C1orf94: variants seen among roughly 807,000 people sequenced by gnomAD.
The protein encoded by C1orf94 is chromosome 1 open reading frame 94.
A neutral mutation model predicts 53.6 loss-of-function variants in C1orf94; 45 were observed. That is an observed-to-expected ratio of 0.84 (90% CI 0.66 to 1.08). C1orf94 has a LOEUF of 1.08. C1orf94 is among the 50% of genes least tolerant of loss of function. The pLI is 0.00. For missense variants in C1orf94, 762 were observed against 738.9 expected, an observed-to-expected ratio of 1.03 and a Z score of -0.36; for synonymous variants, 304 against 296.1, an observed-to-expected ratio of 1.03 and a Z score of -0.27.
At chr1:34,208,373 C>A in intron 5 of C1orf94, 139 bp downstream of exon 5, 2 of 803,558 alleles carry the variant, frequency 2.5e-6, no homozygotes, top group Non-Finnish European at 2.0e-6. Context: ...GACTCACATA[C>A]CGGCATGCGT....
At chr1:34,198,179 T>G (rs1202791745) in intron 2 of C1orf94, among the ~76,000 whole-genome samples, 1 of 152,204 alleles carries the variant, frequency 6.6e-6, no homozygotes, top group East Asian at 1.9e-4. Context: ...ATAGGCGCCA[T>G]GTAGTAATTG....
chr1:34,218,642 A>G lies in C1orf94; in HGVS notation c.1722-44A>G, dbSNP rs766601220. ...TATATTTTTCTAATTCTCTCCGATA[A>G]CATTAGGAATCTCATCATGGCATCC... On this transcript the variant is annotated intron_variant, in intron 6 of 6. Transcript: ENST00000488417. 4.7e-6 allele frequency: 7 copies of G among 1,475,586 alleles called. No individual in the cohort carries two copies. In the South Asian group the frequency reaches 7.4e-5, roughly 16 times the overall value. 91.4% of individuals were successfully genotyped at this position (1,475,586 alleles called of 1,614,324 possible).
chr1:34,178,675 G>A (rs1212936487), intron 1 of C1orf94, among the ~76,000 whole-genome samples: 5 of 152,232 alleles, frequency 3.3e-5, no homozygotes, highest in East Asian at 3.8e-4. Context: ...TAAATAGCCC[G>A]TTTCCGGGAT....
chr1:34,214,945 A>C (rs1017557799), intron 6 of C1orf94, among the ~76,000 whole-genome samples: 6 of 152,112 alleles, frequency 3.9e-5, no homozygotes, highest in African/African-American at 1.4e-4. Context: ...CTGTTCATTC[A>C]AAAAATATTG....
At chr1:34,167,474 G>A (rs1399726117) in intron 1 of C1orf94, among the ~76,000 whole-genome samples, 2 of 152,222 alleles carry the variant, frequency 1.3e-5, no homozygotes, top group Admixed American at 1.3e-4. Context: ...CCGGGCAAAA[G>A]GAGCGTTTGT....
chr1:34,201,446 AC>A (rs1193103238), intron 3 of C1orf94, among the ~76,000 whole-genome samples: 2 of 152,192 alleles, frequency 1.3e-5, no homozygotes, highest in African/African-American at 4.8e-5. Flanking sequence ...GAAACTGAGG[AC>A]CCATTTCTGA....
At chr1:34,204,655 C>T (rs2148620294) in intron 4 of C1orf94, among the ~76,000 whole-genome samples, 1 of 152,246 alleles carries the variant, frequency 6.6e-6, no homozygotes, top group South Asian at 2.1e-4. Context: ...TTTATTTACT[C>T]ATTAATTTAA....
At chr1:34,186,599 AG>A (rs888131565) in intron 1 of C1orf94, among the ~76,000 whole-genome samples, 6 of 152,238 alleles carry the variant, frequency 3.9e-5, no homozygotes, top group African/African-American at 1.4e-4. Flanking sequence ...AGAAAGCAGA[AG>A]GGGTCATCAT....
upstream of C1orf94, among the ~76,000 whole-genome samples, chr1:34,173,813 G>T (rs1642182515): frequency 6.6e-6 from 1 of 152,148 alleles, no homozygotes; most frequent in Non-Finnish European, 1.5e-5. Flanking sequence ...CAGATTAAAT[G>T]GTGTCCATGA....
At chr1:34,178,811 G>T (rs1430756300) in intron 1 of C1orf94, among the ~76,000 whole-genome samples, 1 of 152,206 alleles carries the variant, frequency 6.6e-6, no homozygotes, top group East Asian at 1.9e-4. Context: ...GGGAAATTAG[G>T]AAAAGAAAGT....
At chr1:34,198,606 A>G in intron 2 of C1orf94, among the ~76,000 whole-genome samples, 1 of 152,260 alleles carries the variant, frequency 6.6e-6, no homozygotes, top group African/African-American at 2.4e-5. Context: ...GCCATTGCCT[A>G]GAGTCAGCAG....
rs113994659 is a variant in C1orf94 at position 34,218,557 on chromosome 1, C to T, written c.1722-129C>T. 1.1e-3 allele frequency: 632 copies of T among 588,842 alleles called. 3 individuals carry two copies. The highest frequency in any genetic ancestry group is 1.6e-3 in the Non-Finnish European group (570 of 364,518). 36.5% of individuals were successfully genotyped at this position (588,842 alleles called of 1,614,324 possible). A position where few individuals can be genotyped will look rare whatever the true frequency, so the allele number is the denominator to read the frequency against. On this transcript the variant is annotated intron_variant, in intron 6 of 6. Coordinates refer to ENST00000488417, the MANE Select transcript of C1orf94 (RefSeq NM_001134734.2). Reference sequence around the variant, plus strand: ...GGCCAAAGCCTTTCTTATGCCAAAGCCTTTACCCTCCAAGCCTGTCATGGT... The same window carrying T: ...GGCCAAAGCCTTTCTTATGCCAAAGTCTTTACCCTCCAAGCCTGTCATGGT...
At chr1:34,212,526 G>A in intron 6 of C1orf94, 120 bp downstream of exon 6, 1 of 1,042,056 alleles carries the variant, frequency 9.6e-7, no homozygotes, top group Non-Finnish European at 1.4e-6. Flanking sequence ...GGGGTGGGAT[G>A]GGCCCTGTAC....
At position 34,218,809 on chromosome 1, in the gene C1orf94, G is replaced by A. The variant is rs1398055843; in HGVS notation, c.*48G>A. On this transcript the variant is annotated 3_prime_UTR_variant, in exon 7 of 7. Transcript: ENST00000488417. Reference sequence around the variant, plus strand: ...CCCTTAGCCCTTGGATCAGGACTAGGGGCTCTGATTTTTGGATTCTGCAAA... The same window carrying A: ...CCCTTAGCCCTTGGATCAGGACTAGAGGCTCTGATTTTTGGATTCTGCAAA... 2 of 1,500,138 alleles carry A rather than the reference G, an allele frequency of 1.3e-6. No individual in the cohort carries two copies. Among genetic ancestry groups the A allele is most frequent in the Non-Finnish European group, 9.1e-7 (1 of 1,104,072 alleles). The allele number at this position is 1,500,138 out of a possible 1,614,324, so 92.9% of individuals were successfully genotyped here.
At chr1:34,184,185 G>A (rs1461949161) in intron 1 of C1orf94, among the ~76,000 whole-genome samples, 2 of 152,174 alleles carry the variant, frequency 1.3e-5, no homozygotes, top group African/African-American at 4.8e-5. Flanking sequence ...TCCGCAGGTA[G>A]CAGGGATGTC....
At chr1:34,184,782 C>T (rs535878498) in intron 1 of C1orf94, among the ~76,000 whole-genome samples, 7 of 152,150 alleles carry the variant, frequency 4.6e-5, no homozygotes, top group South Asian at 2.1e-4. Flanking sequence ...TAGGTGAACC[C>T]GACTTCTCTG....
At chr1:34,181,108 C>T (rs2148611913) in intron 1 of C1orf94, among the ~76,000 whole-genome samples, 1 of 152,276 alleles carries the variant, frequency 6.6e-6, no homozygotes, top group East Asian at 1.9e-4. Context: ...AACTAATTCC[C>T]ATTGATCTGG....
chr1:34,177,779 C>T lies in C1orf94; in HGVS notation c.-11C>T, dbSNP rs1319673099. On this transcript the variant is annotated 5_prime_UTR_variant, in exon 1 of 7. Transcript: ENST00000488417. Reference sequence around the variant, plus strand: ...TCTGCCAAGCCCCATCCTCATCTCCCTTTCTGGTGAATGAGGGGTGGTGGT... The same window carrying T: ...TCTGCCAAGCCCCATCCTCATCTCCTTTTCTGGTGAATGAGGGGTGGTGGT... 15 of 1,524,560 alleles carry T rather than the reference C, an allele frequency of 9.8e-6. No individual in the cohort carries two copies. The highest frequency in any genetic ancestry group is 1.4e-5 in the African/African-American group (1 of 72,456). 94.4% of individuals were successfully genotyped at this position (1,524,560 alleles called of 1,614,324 possible). A position where few individuals can be genotyped will look rare whatever the true frequency, so the allele number is the denominator to read the frequency against.
intron 5 of C1orf94, among the ~76,000 whole-genome samples, chr1:34,211,135 A>C (rs1642882942): frequency 6.6e-6 from 1 of 152,044 alleles, no homozygotes; most frequent in Non-Finnish European, 1.5e-5. Flanking sequence ...CGTATGAGAA[A>C]AGGTTTTCTC....
Sources: allele counts gnomAD v4.1 joint callset (sites outside exome capture counted in the v4.1 genomes callset), GRCh38; gene constraint gnomAD v4.1.1; transcripts MANE v1.5; gene names NCBI Gene and HGNC (gene_info 2026-07-23, HGNC 2026-07-21).